ARHGAP26: variants seen among roughly 807,000 people sequenced by gnomAD.
ARHGAP26 encodes Rho GTPase activating protein 26, also known as rho GTPase-activating protein 26.
Under a neutral mutation model 104.8 loss-of-function variants are expected in ARHGAP26, and 38 were observed. The ratio of observed to expected loss-of-function variants is 0.36; its 90% CI spans 0.28 to 0.48. The LOEUF (loss-of-function observed/expected upper bound fraction) is 0.48, where lower values mean the gene tolerates loss of function less well. Among genes scored for constraint, ARHGAP26 ranks in the 20% least tolerant of loss-of-function variants. The pLI, the probability that ARHGAP26 is intolerant of heterozygous loss-of-function variation, is 0.99. For synonymous variants in ARHGAP26, 341 were observed against 340.0 expected (o/e 1.00, Z -0.03); for missense variants, 704 against 947.9 (o/e 0.74, Z 3.38).
chr5:143,113,434 A>T lies in ARHGAP26; in HGVS notation c.1539-7554A>T, dbSNP rs551478679. Reference sequence around the variant, plus strand: ...TGACATCCTTGAATGAAAGCAGTACAGCCTGGATGAATGCATATATGGCCA... The same window carrying T: ...TGACATCCTTGAATGAAAGCAGTACTGCCTGGATGAATGCATATATGGCCA... On this transcript the variant is annotated intron_variant, in intron 17 of 22. Transcript: ENST00000645722. Among the ~76,000 whole-genome samples the T allele has an allele frequency of 3.9e-5, 6 of 152,324 alleles. No individual in the cohort carries two copies. In the East Asian group the frequency reaches 9.6e-4, roughly 24 times the overall value.
At chr5:142,963,198 A>ATATGTGTGTGTGTGTGTGTGTGTGTG (rs869247749) in intron 11 of ARHGAP26, among the ~76,000 whole-genome samples, 2 of 98,332 alleles carry the variant, frequency 2.0e-5, no homozygotes, top group African/African-American at 6.1e-5. Flanking sequence ...ATATATATAT[A>ATATGTGTGTGTGTGTGTGTGTGTGTG]TGTGTGTGTG....
chr5:143,148,046 TTGCTTCACA>T (rs1354048800), intron 20 of ARHGAP26, among the ~76,000 whole-genome samples: 1 of 152,172 alleles, frequency 6.6e-6, no homozygotes, highest in Admixed American at 6.5e-5. Flanking sequence ...CAACCCCACA[TTGCTTCACA>T]TGCTTCCTTA....
intron 17 of ARHGAP26, among the ~76,000 whole-genome samples, chr5:143,092,909 T>C (rs1156642263): frequency 6.6e-6 from 1 of 152,176 alleles, no homozygotes; most frequent in African/African-American, 2.4e-5. Flanking sequence ...CCTTATCACT[T>C]ACTGAATACC....
chr5:143,172,417 C>T (rs775867482), intron 20 of ARHGAP26, among the ~76,000 whole-genome samples: 1 of 151,938 alleles, frequency 6.6e-6, no homozygotes, highest in Admixed American at 6.6e-5. Context: ...CTAGCAGCCA[C>T]GACAAAGAAG....
chr5:142,963,003 C>G (rs1770520885), intron 11 of ARHGAP26, among the ~76,000 whole-genome samples: 1 of 151,810 alleles, frequency 6.6e-6, no homozygotes, highest in Non-Finnish European at 1.5e-5. Flanking sequence ...CCTCTGCGTT[C>G]ATGAGTTCTC....
chr5:143,190,882 G>C (rs967722112), intron 20 of ARHGAP26, among the ~76,000 whole-genome samples: 5 of 152,194 alleles, frequency 3.3e-5, no homozygotes, highest in African/African-American at 1.2e-4. Context: ...ACTTATACAC[G>C]CCAGAACATG....
At chr5:143,149,688 C>G (rs1799585042) in intron 20 of ARHGAP26, among the ~76,000 whole-genome samples, 2 of 152,116 alleles carry the variant, frequency 1.3e-5, no homozygotes, top group African/African-American at 4.8e-5. Context: ...AGGTGTGGAC[C>G]CTTTTGTTCC....
Position 142,907,712 on chromosome 5 carries a change from G to T in ARHGAP26, c.841G>T (p.Gly281Ter). 2 of 1,599,964 alleles carry T rather than the reference G, an allele frequency of 1.3e-6. No homozygotes were observed. Among genetic ancestry groups the T allele is most frequent in the South Asian group, 2.2e-5 (2 of 88,902 alleles). The change falls in exon 9 of 23, where the codon GGA becomes TGA. Residue 281 changes from glycine (G) to a stop codon, truncating the protein, a stop_gained. Coordinates refer to ENST00000645722, the MANE Select transcript of ARHGAP26 (RefSeq NM_001135608.3). LOFTEE classifies it high-confidence loss of function. ...GAAATATTACCTTTCAGGTCACTTTGGAACTTCTTGGGTGAAGCACTACTG... is the reference window on the plus strand; with the variant it reads ...GAAATATTACCTTTCAGGTCACTTTTGAACTTCTTGGGTGAAGCACTACTG... ...YLYVQEKRHF[G>*]TSWVKHYCTY...
chr5:143,169,097 C>T (rs1054974917), intron 20 of ARHGAP26: 1 of 152,254 alleles, frequency 6.6e-6, no homozygotes, highest in African/African-American at 2.4e-5. Context: ...GCATTTCTCT[C>T]AATCCAGGGC....
At chr5:143,196,075 A>C (rs190617081) in intron 20 of ARHGAP26, among the ~76,000 whole-genome samples, 4 of 152,284 alleles carry the variant, frequency 2.6e-5, no homozygotes, top group African/African-American at 9.6e-5. Context: ...ATAGGCTTGA[A>C]CGTGTATTAA....
At chr5:143,141,017 C>G (rs1412305568) in intron 19 of ARHGAP26, among the ~76,000 whole-genome samples, 1 of 152,236 alleles carries the variant, frequency 6.6e-6, no homozygotes, top group African/African-American at 2.4e-5. Context: ...TGCCCTTTCT[C>G]AGGTTGCCTT....
chr5:143,188,375 A>G (rs888127144), intron 20 of ARHGAP26, among the ~76,000 whole-genome samples: 2 of 152,222 alleles, frequency 1.3e-5, no homozygotes, highest in African/African-American at 4.8e-5. Context: ...ACCCTGCCAT[A>G]GTCATTCAAT....
intron 11 of ARHGAP26, among the ~76,000 whole-genome samples, chr5:142,963,191 T>TGTATATATATATACATAC: frequency 8.9e-6 from 1 of 112,004 alleles, no homozygotes; most frequent in African/African-American, 4.8e-5. Flanking sequence ...TATATATATA[T>TGTATATATATATACATAC]ATATATATGT....
chr5:143,167,204 T>C (rs1462823646), intron 20 of ARHGAP26, among the ~76,000 whole-genome samples: 1 of 151,296 alleles, frequency 6.6e-6, no homozygotes, highest in Non-Finnish European at 1.5e-5. Context: ...CGGTGGCCCA[T>C]GCTTGTAATG....
chr5:142,844,889 T>G (rs1195979105), intron 1 of ARHGAP26, among the ~76,000 whole-genome samples: 1 of 152,018 alleles, frequency 6.6e-6, no homozygotes, highest in Non-Finnish European at 1.5e-5. Context: ...TTTAATTGAT[T>G]GTAGGATGGT....
intron 5 of ARHGAP26, among the ~76,000 whole-genome samples, chr5:142,889,908 A>G (rs933180139): frequency 1.3e-5 from 2 of 151,328 alleles, no homozygotes; most frequent in African/African-American, 4.9e-5. Context: ...GCTGAGGTGG[A>G]CAGATCACCT....
chr5:142,955,056 A>G (rs1440512606), intron 11 of ARHGAP26, among the ~76,000 whole-genome samples: 4 of 151,816 alleles, frequency 2.6e-5, no homozygotes, highest in Admixed American at 1.3e-4. Context: ...AGGCAGGAGG[A>G]TCACTTGAGC....
At chr5:142,821,464 G>A (rs974360661) in intron 1 of ARHGAP26, among the ~76,000 whole-genome samples, 8 of 151,918 alleles carry the variant, frequency 5.3e-5, no homozygotes, top group African/African-American at 1.9e-4. Flanking sequence ...TAGAGTCCTT[G>A]ACTTCCATTA....
In ARHGAP26 at chr5:143,223,433, C is replaced by T. The variant is rs1811426982; in HGVS notation, c.*987C>T. The T allele has an allele frequency of 4.3e-6, 1 of 231,800 alleles. No homozygotes were observed. The highest frequency in any genetic ancestry group is 5.6e-5 in the Admixed American group (1 of 17,726). 14.4% of individuals were successfully genotyped at this position (231,800 alleles called of 1,614,324 possible). ...ATTAAATTACATAGTCTTAATATTT[C>T]TGTTCCTCCATGCAACTGATGTTTG... is the stretch of plus-strand genomic sequence containing the variant. On this transcript the variant is annotated 3_prime_UTR_variant, in exon 23 of 23. Coordinates refer to ENST00000645722, the MANE Select transcript of ARHGAP26 (RefSeq NM_001135608.3).
Sources: allele counts gnomAD v4.1 joint callset (sites outside exome capture counted in the v4.1 genomes callset), GRCh38; gene constraint gnomAD v4.1.1; transcripts MANE v1.5; gene names NCBI Gene and HGNC (gene_info 2026-07-23, HGNC 2026-07-21).